The following ST6GALNAC3 variants were observed in gnomAD, a reference collection of about 807,000 sequenced individuals.
ST6GALNAC3 encodes ST6 N-acetylgalactosaminide alpha-2,6-sialyltransferase 3.
In ST6GALNAC3, 25 loss-of-function variants were observed where a neutral mutation model predicts 32.7. The ratio of observed to expected loss-of-function variants is 0.76; its 90% confidence interval spans 0.56 to 1.07. The LOEUF is 1.07. Among genes scored for constraint, ST6GALNAC3 ranks in the 50% least tolerant of loss-of-function variants. The pLI is 0.00. For missense variants in ST6GALNAC3, 355 were observed against 382.4 expected (o/e 0.93, Z 0.60); for synonymous variants, 129 against 133.1 (o/e 0.97, Z 0.21).
At chr1:76,188,447 G>A (rs1483567932) in intron 1 of ST6GALNAC3, among the ~76,000 whole-genome samples, 1 of 152,152 alleles carries the variant, frequency 6.6e-6, no homozygotes, top group East Asian at 1.9e-4. Flanking sequence ...ATTAGCCCAT[G>A]TACTATTGGA....
chr1:76,113,309 G>C (rs1162060321), intron 1 of ST6GALNAC3, among the ~76,000 whole-genome samples: 5 of 145,550 alleles, frequency 3.4e-5, no homozygotes, highest in Non-Finnish European at 7.5e-5. Flanking sequence ...GCTTCCGCTC[G>C]GCATCAGAGG....
At chr1:76,179,532 C>T (rs966239533) in intron 1 of ST6GALNAC3, among the ~76,000 whole-genome samples, 4 of 152,200 alleles carry the variant, frequency 2.6e-5, no homozygotes, top group African/African-American at 9.7e-5. Context: ...TGAGTCTTTT[C>T]CTAACATAGT....
intron 3 of ST6GALNAC3, among the ~76,000 whole-genome samples, chr1:76,539,220 C>T (rs1663825235): frequency 1.3e-5 from 2 of 152,130 alleles, no homozygotes; most frequent in Admixed American, 6.5e-5. Flanking sequence ...CACACATCTA[C>T]AACCATCTGA....
intron 1 of ST6GALNAC3, among the ~76,000 whole-genome samples, chr1:76,081,608 G>A (rs1646897175): frequency 1.3e-5 from 2 of 152,124 alleles, no homozygotes; most frequent in African/African-American, 4.8e-5. Flanking sequence ...AACTAGAGGG[G>A]CTGCAAAGAC....
At chr1:76,248,538 A>C (rs2100690125) in intron 1 of ST6GALNAC3, among the ~76,000 whole-genome samples, 1 of 152,202 alleles carries the variant, frequency 6.6e-6, no homozygotes, top group Non-Finnish European at 1.5e-5. Flanking sequence ...ACCGCCCCTT[A>C]GATTCTAAAG....
At chr1:76,141,491 T>C (rs886866871) in intron 1 of ST6GALNAC3, among the ~76,000 whole-genome samples, 1 of 152,134 alleles carries the variant, frequency 6.6e-6, no homozygotes, top group Non-Finnish European at 1.5e-5. Context: ...AGAGAATCCA[T>C]GTCAGAGGAG....
intron 3 of ST6GALNAC3, among the ~76,000 whole-genome samples, chr1:76,529,965 T>C (rs750497640): frequency 8.5e-5 from 13 of 152,226 alleles, no homozygotes; most frequent in Non-Finnish European, 1.6e-4. Flanking sequence ...ATTATCATTA[T>C]AATTGTCACT....
At chr1:76,581,869 G>T (rs1239175487) in intron 3 of ST6GALNAC3, among the ~76,000 whole-genome samples, 1 of 152,112 alleles carries the variant, frequency 6.6e-6, no homozygotes, top group Non-Finnish European at 1.5e-5. Context: ...GTTCTGATGA[G>T]ATCAGACCAT....
At chr1:76,510,353 A>T (rs1661771894) in intron 3 of ST6GALNAC3, among the ~76,000 whole-genome samples, 1 of 151,956 alleles carries the variant, frequency 6.6e-6, no homozygotes, top group African/African-American at 2.4e-5. Context: ...TATCTTGAGG[A>T]CTTTGTGCCA....
chr1:76,182,861 A>G (rs1653276639), intron 1 of ST6GALNAC3, among the ~76,000 whole-genome samples: 1 of 151,480 alleles, frequency 6.6e-6, no homozygotes, highest in African/African-American at 2.4e-5. Flanking sequence ...TTTACTTCTC[A>G]TTAGTTTTTA....
chr1:76,155,318 A>C (rs901310841), intron 1 of ST6GALNAC3, among the ~76,000 whole-genome samples: 4 of 152,168 alleles, frequency 2.6e-5, no homozygotes, highest in Admixed American at 2.6e-4. Flanking sequence ...TACTACTGCT[A>C]CCGTCACTAC....
At position 76,522,973 on chromosome 1, in the gene ST6GALNAC3, C is replaced by T. The variant is rs376070063; in HGVS notation, c.624-104479C>T. Among the ~76,000 whole-genome samples the T allele has an allele frequency of 7.2e-5, 11 of 152,252 alleles. No homozygotes were observed. The East Asian group carries it at 1.5e-3, about 21-fold the overall frequency. On this transcript the variant is annotated intron_variant, in intron 3 of 4. Transcript: ENST00000328299. ...TGACAAAGGCTTTTAACTTCTTGTGCGCAACCATTCCCACTGATGGTAGAA... is the reference window on the plus strand; with the variant it reads ...TGACAAAGGCTTTTAACTTCTTGTGTGCAACCATTCCCACTGATGGTAGAA...
At chr1:76,104,268 C>G (rs947251519) in intron 1 of ST6GALNAC3, among the ~76,000 whole-genome samples, 1 of 152,184 alleles carries the variant, frequency 6.6e-6, no homozygotes, top group Admixed American at 6.5e-5. Context: ...TGAGGTTTCT[C>G]AACCCCAGAA....
chr1:76,636,251 C>A (rs1002014255), downstream of ST6GALNAC3, among the ~76,000 whole-genome samples: 1 of 152,120 alleles, frequency 6.6e-6, no homozygotes, highest in Admixed American at 6.5e-5. Context: ...CTGAACTCTA[C>A]CCACAATAGA....
chr1:76,479,109 C>G (rs1360060386), intron 3 of ST6GALNAC3, among the ~76,000 whole-genome samples: 1 of 152,056 alleles, frequency 6.6e-6, no homozygotes, highest in Admixed American at 6.6e-5. Context: ...GTATGCTTAA[C>G]CTGGTATTAT....
Position 76,190,402 on chromosome 1 carries a change from A to G in ST6GALNAC3, c.18+115518A>G, listed in dbSNP as rs1025010840. 5.9e-5 allele frequency among the ~76,000 whole-genome samples: 9 copies of G among 152,218 alleles called. No homozygotes were observed. In the South Asian group the frequency reaches 8.3e-4, roughly 14 times the overall value. On this transcript the variant is annotated intron_variant, in intron 1 of 4. Transcript: ENST00000328299. ...TTCCTTCTTTGCAAGTTTGGAGCATACGCCCAGATGCTGGAAGGATTTGGT... is the reference window on the plus strand; with the variant it reads ...TTCCTTCTTTGCAAGTTTGGAGCATGCGCCCAGATGCTGGAAGGATTTGGT...
chr1:76,279,430 G>A (rs376731928), intron 1 of ST6GALNAC3, among the ~76,000 whole-genome samples: 1 of 152,194 alleles, frequency 6.6e-6, no homozygotes, highest in South Asian at 2.1e-4. Flanking sequence ...GGAATCTTTT[G>A]CTGGAAGACA....
intron 1 of ST6GALNAC3, among the ~76,000 whole-genome samples, chr1:76,228,686 A>G (rs1158998692): frequency 6.6e-6 from 1 of 152,172 alleles, no homozygotes; most frequent in East Asian, 1.9e-4. Flanking sequence ...CACTTGGTTT[A>G]CTTTCAGGAA....
intron 1 of ST6GALNAC3, among the ~76,000 whole-genome samples, chr1:76,256,907 A>T (rs776003813): frequency 6.6e-6 from 1 of 152,158 alleles, no homozygotes; most frequent in Non-Finnish European, 1.5e-5. Flanking sequence ...CCCTGTCCAC[A>T]TTCAGGGCTA....
Sources: gnomAD v4.1 joint callset for allele counts (sites outside exome capture counted in the v4.1 genomes callset) on GRCh38, gnomAD v4.1.1 for gene constraint, MANE v1.5 for transcripts, NCBI Gene and HGNC (gene_info 2026-07-23, HGNC 2026-07-21) for gene names.